Variants in DDX54 observed in about 807,000 individuals in gnomAD.
DDX54 encodes the protein ATP-dependent RNA helicase DDX54.
Under a neutral mutation model 105.5 loss-of-function variants are expected in DDX54, and 67 were observed. The observed-to-expected ratio is 0.64, with a 90% CI of 0.52 to 0.78. The LOEUF is 0.78. DDX54 is among the 30% of genes least tolerant of loss of function. The pLI is 0.00. For missense variants in DDX54, 1,206 were observed against 1,230.5 expected (o/e 0.98, Z 0.30); for synonymous variants, 514 against 509.9 (o/e 1.01, Z -0.11).
At chr12:113,174,578 G>A in intron 10 of DDX54, 62 bp downstream of exon 10, 1 of 1,581,662 alleles carries the variant, frequency 6.3e-7, no homozygotes, top group Non-Finnish European at 8.6e-7. Flanking sequence ...TGACTGCACA[G>A]GGAACTGCAG....
intron 12 of DDX54, among the ~76,000 whole-genome samples, chr12:113,168,818 T>G (rs765212642): frequency 1.3e-5 from 2 of 152,150 alleles, no homozygotes; most frequent in Non-Finnish European, 2.9e-5. Flanking sequence ...CAGTCCCAGC[T>G]ACTCGGGAGG....
chr12:113,168,170 C>T (rs942512185), intron 12 of DDX54, among the ~76,000 whole-genome samples: 6 of 152,234 alleles, frequency 3.9e-5, no homozygotes, highest in Admixed American at 6.5e-5. Context: ...GCTTTCCAGC[C>T]GCCTCCAGGC....
intron 4 of DDX54, 49 bp downstream of exon 4, chr12:113,179,094 G>A (rs751822136): frequency 1.2e-5 from 19 of 1,612,842 alleles, no homozygotes; most frequent in Non-Finnish European, 1.5e-5. Flanking sequence ...CTCTGTGTCC[G>A]GTCCCAAGTC....
chr12:113,181,151 C>A lies in DDX54; in HGVS notation c.175-93G>T, dbSNP rs1301276893. On this transcript the variant is annotated intron_variant, in intron 1 of 19. Coordinates refer to ENST00000306014, the MANE Select transcript of DDX54 (RefSeq NM_024072.4). ...GCCTGTGCTGTTGCCCTCTCTCCCC[C>A]ATTCAAGCCAATGATGCTTCCGCCA... 6 of 1,434,096 alleles carry A rather than the reference C, an allele frequency of 4.2e-6. No homozygotes were observed. The African/African-American group carries it at 7.3e-5, about 17-fold the overall frequency. 88.8% of individuals were successfully genotyped at this position (1,434,096 alleles called of 1,614,324 possible).
chr12:113,176,670 G>A (rs1018973788), intron 7 of DDX54, among the ~76,000 whole-genome samples, 170 bp downstream of exon 7: 1 of 152,226 alleles, frequency 6.6e-6, no homozygotes, highest in Admixed American at 6.5e-5. Flanking sequence ...GAGCCCCAGA[G>A]ATGAGCTCCA....
At position 113,157,602 on chromosome 12, in the gene DDX54, G is replaced by A; in HGVS notation, c.*1275C>T. 6.4e-7 allele frequency: 1 copy of A among 1,551,646 alleles called. No homozygotes were observed. The highest frequency in any genetic ancestry group is 8.7e-7 in the Non-Finnish European group (1 of 1,146,974). The stretch of plus-strand genomic sequence containing the variant: ...GTGACTTCGTGCTGGGCCCCCCCAG[G>A]TGAAGCTGTTCATGCAGGACCTCTC... On this transcript the variant is annotated 3_prime_UTR_variant, in exon 20 of 20. Transcript: ENST00000306014.
Position 113,163,815 on chromosome 12 carries a change from G to A in DDX54, c.1938+252C>T, listed in dbSNP as rs1441346558. On this transcript the variant is annotated intron_variant, in intron 15 of 19. Coordinates refer to ENST00000306014, the MANE Select transcript of DDX54 (RefSeq NM_024072.4). This position sits in a 1 kb window ranked among gnomAD's most constrained non-coding sequence, Gnocchi z 5.9. ...TCACTGCAGAAGCCCTGATGTGTTT[G>A]GTGGCTGGTGATGCCCCGGACCCCA... is the stretch of plus-strand genomic sequence containing the variant. Among the ~76,000 whole-genome samples the A allele has an allele frequency of 6.6e-6, 1 of 152,196 alleles. No homozygotes were observed. Among genetic ancestry groups the A allele is most frequent in the African/African-American group, 2.4e-5 (1 of 41,434 alleles).
At chr12:113,170,177 G>C (rs747632263) in intron 11 of DDX54, among the ~76,000 whole-genome samples, 4 of 152,192 alleles carry the variant, frequency 2.6e-5, no homozygotes, top group African/African-American at 9.7e-5. Context: ...CCCCACTTTT[G>C]AGAATTCCCC....
intron 17 of DDX54, 64 bp from the exon 18 acceptor site, chr12:113,162,061 T>G (rs61941433): frequency 6.7e-7 from 1 of 1,503,536 alleles, no homozygotes; most frequent in Non-Finnish European, 9.2e-7. Flanking sequence ...GGCTGCCGCT[T>G]GGGGCCTGTC....
intron 1 of DDX54, 124 bp from the exon 2 acceptor site, chr12:113,181,182 C>A: frequency 8.1e-7 from 1 of 1,237,736 alleles, no homozygotes. Context: ...CGCCAGATCA[C>A]GTCACTTTTT....
At chr12:113,166,431 T>C (rs1593000849) in intron 12 of DDX54, among the ~76,000 whole-genome samples, 1 of 151,446 alleles carries the variant, frequency 6.6e-6, no homozygotes, top group African/African-American at 2.4e-5. Context: ...CCGGGTGCGG[T>C]GGCTCATGCC....
At chr12:113,175,474 T>C (rs61941438) in intron 7 of DDX54, among the ~76,000 whole-genome samples, 15,318 of 152,062 alleles carry the variant, frequency 0.1, 906 homozygotes, top group East Asian at 0.21. Flanking sequence ...CTAGGCGAGA[T>C]CCCATCTCTA....
At position 113,177,051 on chromosome 12, in the gene DDX54, CAT is replaced by C. The variant is rs776941537; in HGVS notation, c.655_656del (p.Ile219AsnfsTer29). On this transcript the variant is annotated frameshift_variant and splice_region_variant, in exon 6 of 20. Coordinates refer to ENST00000306014, the MANE Select transcript of DDX54 (RefSeq NM_024072.4). LOFTEE classifies it high-confidence loss of function. The stretch of plus-strand genomic sequence containing the variant: ...GAGTCATCCCCAATCCACAAACTCA[CAT>C]GTCGGGATTTTCGTGCAGGGCTGCA... The part of the protein sequence containing the change: ...QFAALHENPD[I>X]IIATPGRLVH... 6.2e-6 allele frequency: 10 copies of C among 1,614,200 alleles called. No homozygotes were observed. In the Admixed American group the frequency reaches 6.7e-5, roughly 11 times the overall value.
chr12:113,181,435 G>A (rs535511014), intron 1 of DDX54, among the ~76,000 whole-genome samples: 1 of 151,936 alleles, frequency 6.6e-6, no homozygotes, highest in East Asian at 1.9e-4. Context: ...TGGGACTACA[G>A]GCGTATACTA....
At chr12:113,162,367 A>G (rs1386518834) in intron 17 of DDX54, among the ~76,000 whole-genome samples, 1 of 152,158 alleles carries the variant, frequency 6.6e-6, no homozygotes, top group African/African-American at 2.4e-5. Context: ...ATGGGTCCTG[A>G]GCCCTGTCTA....
intron 18 of DDX54, chr12:113,161,596 C>T (rs1242151645): frequency 1.8e-5 from 10 of 570,634 alleles, no homozygotes; most frequent in Admixed American, 1.2e-4. Flanking sequence ...GGAGATGCCG[C>T]TGCTGAAGCT....
Position 113,157,510 on chromosome 12 carries a change from G to C in DDX54, c.*1367C>G. ...TTTAATGAGGGGATCTCCAGTCCCC[G>C]CCCTACCTTTCGGCCTCCCCCGCGT... On this transcript the variant is annotated 3_prime_UTR_variant, in exon 20 of 20. Transcript: ENST00000306014. 1.0e-6 allele frequency: 1 copy of C among 997,818 alleles called. No homozygotes were observed. Among genetic ancestry groups the C allele is most frequent in the Non-Finnish European group, 1.5e-6 (1 of 652,012 alleles). The allele number at this position is 997,818 out of a possible 1,614,324, so 61.8% of individuals were successfully genotyped here.
intron 10 of DDX54, among the ~76,000 whole-genome samples, chr12:113,173,586 C>T (rs992886436): frequency 8.5e-5 from 13 of 152,152 alleles, no homozygotes; most frequent in African/African-American, 2.7e-4. Context: ...GCGGGGGTCA[C>T]ACAGGCATAA....
At chr12:113,166,903 C>G (rs1432077322) in intron 12 of DDX54, among the ~76,000 whole-genome samples, 2 of 152,112 alleles carry the variant, frequency 1.3e-5, no homozygotes, top group African/African-American at 4.8e-5. Flanking sequence ...CTAACAACAG[C>G]AATACTTATG....
Sources: gnomAD v4.1 joint callset for allele counts (sites outside exome capture counted in the v4.1 genomes callset) on GRCh38, gnomAD v4.1.1 for gene constraint, Gnocchi (gnomAD v3.1) non-coding constraint, MANE v1.5 for transcripts, NCBI Gene and HGNC (gene_info 2026-07-23, HGNC 2026-07-21) for gene names.